KLF12: variants seen among roughly 807,000 people sequenced by gnomAD.
KLF12 encodes the protein Krueppel-like factor 12.
KLF12 carries 9 observed loss-of-function variants against 37.8 expected under a neutral mutation model. That is an observed-to-expected ratio of 0.24 (90% CI 0.14 to 0.42). The LOEUF (loss-of-function observed/expected upper bound fraction) is 0.42. KLF12 is among the 10% of genes least tolerant of loss of function. The pLI is 1.00. For missense variants in KLF12, 411 were observed against 516.0 expected (o/e 0.80, Z 1.97); for synonymous variants, 208 against 202.1 (o/e 1.03, Z -0.25).
the KLF12 span, among the ~76,000 whole-genome samples, chr13:74,211,218 G>C: frequency 6.6e-6 from 1 of 152,116 alleles, no homozygotes; most frequent in Non-Finnish European, 1.5e-5. Flanking sequence ...ATTTAGCTCT[G>C]AGTAAGACCA....
chr13:73,799,969 A>C (rs910138007), intron 5 of KLF12: 2 of 152,120 alleles, frequency 1.3e-5, no homozygotes, highest in Non-Finnish European at 2.9e-5. Context: ...TTTAGATAAT[A>C]GTTTCAATTT....
At chr13:73,864,916 T>C (rs989847076) in intron 3 of KLF12, among the ~76,000 whole-genome samples, 1 of 152,064 alleles carries the variant, frequency 6.6e-6, no homozygotes, top group Non-Finnish European at 1.5e-5. Context: ...CAATATAAAA[T>C]TAAGGAGTAA....
At chr13:73,935,858 G>A (rs191712252) in intron 3 of KLF12, among the ~76,000 whole-genome samples, 22 of 152,152 alleles carry the variant, frequency 1.4e-4, no homozygotes, top group South Asian at 6.2e-4. Flanking sequence ...GAACTCCTGC[G>A]CTCAAGTGAT....
At chr13:74,286,635 A>C in the KLF12 span, among the ~76,000 whole-genome samples, 2 of 152,234 alleles carry the variant, frequency 1.3e-5, no homozygotes, top group African/African-American at 4.8e-5. Flanking sequence ...ACAAGCTGAC[A>C]TCACGTTTAC....
At chr13:74,146,448 C>CAAA in the KLF12 span, among the ~76,000 whole-genome samples, 5 of 152,098 alleles carry the variant, frequency 3.3e-5, no homozygotes, top group South Asian at 8.3e-4. Context: ...TAAGACAGTA[C>CAAA]AAAGCTTGAA....
At chr13:73,817,162 T>C (rs1883266794) in intron 4 of KLF12, among the ~76,000 whole-genome samples, 1 of 150,866 alleles carries the variant, frequency 6.6e-6, no homozygotes, top group East Asian at 1.9e-4. Context: ...ACAAGAAATT[T>C]AAAACATCAG....
intron 5 of KLF12, among the ~76,000 whole-genome samples, chr13:73,792,325 A>G (rs970304453): frequency 1.3e-5 from 2 of 152,232 alleles, no homozygotes; most frequent in African/African-American, 2.4e-5. Context: ...TTTATAAATT[A>G]AAATCTTTTT....
chr13:73,736,396 T>C (rs545555711), intron 6 of KLF12, among the ~76,000 whole-genome samples: 2 of 152,318 alleles, frequency 1.3e-5, no homozygotes, highest in East Asian at 1.9e-4. Flanking sequence ...TAATAAATAT[T>C]TGATTCTTCC....
intron 1 of KLF12, among the ~76,000 whole-genome samples, chr13:74,109,166 T>C (rs1395328448): frequency 6.6e-6 from 1 of 152,180 alleles, no homozygotes; most frequent in Middle Eastern, 3.2e-3. Context: ...CAACTAGTTT[T>C]TGAAGATATA....
At chr13:74,215,779 C>T in the KLF12 span, among the ~76,000 whole-genome samples, 1 of 152,230 alleles carries the variant, frequency 6.6e-6, no homozygotes, top group South Asian at 2.1e-4. Context: ...TGCCTGGTGG[C>T]TAGTGTTCTT....
intron 1 of KLF12, among the ~76,000 whole-genome samples, chr13:74,101,951 G>C (rs1276930323): frequency 2.0e-5 from 3 of 151,852 alleles, no homozygotes; most frequent in Admixed American, 1.3e-4. Flanking sequence ...CAGGCACAGT[G>C]GCTCACACCT....
the KLF12 span, among the ~76,000 whole-genome samples, chr13:74,180,707 G>T: frequency 6.6e-6 from 1 of 152,112 alleles, no homozygotes; most frequent in Non-Finnish European, 1.5e-5. Flanking sequence ...GTATTGCTGT[G>T]CCTGGGAATC....
chr13:74,121,867 GGAAAAA>G (rs1167764818), intron 1 of KLF12, among the ~76,000 whole-genome samples: 1 of 151,902 alleles, frequency 6.6e-6, no homozygotes, highest in African/African-American at 2.4e-5. Flanking sequence ...TATATTCTCT[GGAAAAA>G]GAAAAAGACT....
intron 1 of KLF12, among the ~76,000 whole-genome samples, chr13:74,017,156 C>T (rs534765453): frequency 2.0e-5 from 3 of 147,540 alleles, no homozygotes; most frequent in East Asian, 4.1e-4. Flanking sequence ...TTTGTGGGAA[C>T]TCATCCATTT....
chr13:73,944,146 T>C (rs1417567193), intron 2 of KLF12, 76 bp from the exon 3 acceptor site: 12 of 839,524 alleles, frequency 1.4e-5, no homozygotes, highest in South Asian at 2.9e-5. Flanking sequence ...TCTTCCCTCA[T>C]TGTAGTACAT....
At position 74,116,162 on chromosome 13, in the gene KLF12, G is replaced by A. The variant is rs1877291789; in HGVS notation, c.-32+17577C>T. Among the ~76,000 whole-genome samples the A allele has an allele frequency of 2.0e-5, 3 of 152,112 alleles. No homozygotes were observed. In the South Asian group the frequency reaches 6.2e-4, roughly 31 times the overall value. ...TCTCTGCTAATATCCTCTTTGAAAA[G>A]GAACCACTGAGGCATAGCCAGAAAG... On this transcript the variant is annotated intron_variant, in intron 1 of 7. Coordinates refer to ENST00000377669, the MANE Select transcript of KLF12 (RefSeq NM_007249.5).
intron 1 of KLF12, among the ~76,000 whole-genome samples, chr13:74,131,055 A>G (rs1006784823): frequency 6.6e-6 from 1 of 152,226 alleles, no homozygotes; most frequent in African/African-American, 2.4e-5. Flanking sequence ...CTCTAGATTA[A>G]CCAACACTGG....
At chr13:73,855,416 G>A (rs1885554952) in intron 3 of KLF12, among the ~76,000 whole-genome samples, 1 of 152,168 alleles carries the variant, frequency 6.6e-6, no homozygotes, top group Non-Finnish European at 1.5e-5. Context: ...CAAAGGCCAT[G>A]ATTTCGTTTT....
chr13:74,111,861 A>C (rs1490112794), intron 1 of KLF12, among the ~76,000 whole-genome samples: 1 of 152,204 alleles, frequency 6.6e-6, no homozygotes, highest in East Asian at 1.9e-4. Context: ...TTCCACTTAT[A>C]AAAAAGGCAA....
Sources: allele counts gnomAD v4.1 joint callset (sites outside exome capture counted in the v4.1 genomes callset), GRCh38; gene constraint gnomAD v4.1.1; transcripts MANE v1.5; gene names NCBI Gene and HGNC (gene_info 2026-07-23, HGNC 2026-07-21).